The following CCDC38 variants were observed in gnomAD, a reference collection of about 807,000 sequenced individuals.
CCDC38 encodes the protein coiled-coil domain-containing protein 38.
A neutral mutation model predicts 72.8 loss-of-function variants in CCDC38; 69 were observed. The ratio of observed to expected loss-of-function variants is 0.95; its 90% CI spans 0.78 to 1.16. CCDC38 has a LOEUF of 1.16. Ranked by LOEUF, CCDC38 falls within the 50% of genes most tolerant of loss-of-function variation. The pLI is 0.00. For missense variants in CCDC38, 626 were observed against 638.9 expected (o/e 0.98, Z 0.22); for synonymous variants, 201 against 213.2 (o/e 0.94, Z 0.50).
Position 95,867,110 on chromosome 12 carries a change from GT to G in CCDC38, c.1657del (p.Thr553GlnfsTer13). ...AAAATATTCTTCCTCTTGTGATTTT[GT>G]TTTTGTTTCATTGACTAAAGGTAGC... Reference protein sequence around the residue: ...QQLPLVNETKTKSQEEEYFFT With the variant: ...QQLPLVNETKXKSQEEEYFFT On this transcript the variant is annotated frameshift_variant, in exon 16 of 16. Transcript: ENST00000344280. LOFTEE classifies it high-confidence loss of function. The G allele has an allele frequency of 6.2e-7, 1 of 1,603,006 alleles. No homozygotes were observed. Among genetic ancestry groups the G allele is most frequent in the East Asian group, 2.2e-5 (1 of 44,652 alleles).
At chr12:95,890,523 G>A (rs1032545804) in intron 9 of CCDC38, among the ~76,000 whole-genome samples, 5 of 152,224 alleles carry the variant, frequency 3.3e-5, no homozygotes, top group Admixed American at 6.5e-5. Context: ...GCCTGCCAAC[G>A]GCAGAAGGCA....
intron 5 of CCDC38, among the ~76,000 whole-genome samples, chr12:95,900,372 C>G (rs1228278637): frequency 2.0e-5 from 3 of 152,156 alleles, no homozygotes; most frequent in Non-Finnish European, 4.4e-5. Flanking sequence ...TCATGTTAGA[C>G]AAAACTATTA....
intron 2 of CCDC38, among the ~76,000 whole-genome samples, chr12:95,932,555 A>G (rs1592808613): frequency 6.6e-6 from 1 of 152,196 alleles, no homozygotes; most frequent in Non-Finnish European, 1.5e-5. Flanking sequence ...CAGCTAGGTT[A>G]GTATATAAAA....
chr12:95,869,961 T>C (rs1156461636), intron 14 of CCDC38, among the ~76,000 whole-genome samples: 1 of 151,994 alleles, frequency 6.6e-6, no homozygotes, highest in Non-Finnish European at 1.5e-5. Flanking sequence ...GTAGCTGGGA[T>C]TACAGGTGCA....
At chr12:95,930,916 T>A (rs2080330599) in intron 2 of CCDC38, among the ~76,000 whole-genome samples, 1 of 152,202 alleles carries the variant, frequency 6.6e-6, no homozygotes, top group African/African-American at 2.4e-5. Context: ...GATCTCTTCC[T>A]TTTGTTACTA....
At chr12:95,897,541 T>C (rs966993279) in intron 7 of CCDC38, among the ~76,000 whole-genome samples, 125 of 138,138 alleles carry the variant, frequency 9.0e-4, no homozygotes, top group African/African-American at 2.6e-3. Flanking sequence ...ACCTAGGAGG[T>C]GGAGGTTTCA....
rs763451872 is a variant in CCDC38, at chr12:95,918,935, T to TAA, written c.78_79insTT (p.Lys27LeufsTer25). 6.2e-7 allele frequency: 1 copy of TAA among 1,612,600 alleles called. No individual in the cohort carries two copies. The highest frequency in any genetic ancestry group is 2.2e-5 in the East Asian group (1 of 44,876). On this transcript the variant is annotated frameshift_variant, in exon 3 of 16. Transcript: ENST00000344280. LOFTEE classifies it high-confidence loss of function. The stretch of plus-strand genomic sequence containing the variant: ...AGAAAGAGATCTCTGAAAAAGATCT[T>TAA]ATAAGGCCTGTCCTCTTTGGTTGAG...
At chr12:95,913,753 ATTAT>A (rs1270385754) in intron 4 of CCDC38, among the ~76,000 whole-genome samples, 1 of 152,148 alleles carries the variant, frequency 6.6e-6, no homozygotes, top group Non-Finnish European at 1.5e-5. Context: ...GGGATGAGTA[ATTAT>A]TTAATTTCTC....
chr12:95,874,086 TG>T (rs1301775639), intron 13 of CCDC38, among the ~76,000 whole-genome samples: 2 of 152,356 alleles, frequency 1.3e-5, no homozygotes, highest in Admixed American at 6.5e-5. Context: ...TTCCTATTTA[TG>T]TAACAACACA....
intron 13 of CCDC38, among the ~76,000 whole-genome samples, chr12:95,876,867 A>G (rs2079641870): frequency 6.6e-6 from 1 of 152,178 alleles, no homozygotes; most frequent in Non-Finnish European, 1.5e-5. Flanking sequence ...TCACTAACGC[A>G]AGCCTCCTTA....
intron 4 of CCDC38, among the ~76,000 whole-genome samples, chr12:95,912,779 G>A (rs907657123): frequency 1.3e-5 from 2 of 152,108 alleles, no homozygotes; most frequent in African/African-American, 4.8e-5. Context: ...TAAAAGCAGG[G>A]CCAGCAGCAG....
chr12:95,937,390 TG>T (rs1187368189), intron 1 of CCDC38, among the ~76,000 whole-genome samples: 1 of 152,232 alleles, frequency 6.6e-6, no homozygotes, highest in Non-Finnish European at 1.5e-5. Context: ...ACTGAGTTTT[TG>T]CTTTCCCCTT....
At chr12:95,880,268 T>G (rs576939419) in intron 11 of CCDC38, among the ~76,000 whole-genome samples, 1 of 152,214 alleles carries the variant, frequency 6.6e-6, no homozygotes, top group Non-Finnish European at 1.5e-5. Context: ...TTATTCACGA[T>G]AGCCAAGACA....
chr12:95,898,651 T>C lies in CCDC38; in HGVS notation c.450A>G (p.Ala150=). The C allele has an allele frequency of 6.2e-7, 1 of 1,614,242 alleles. No individual in the cohort carries two copies. The highest frequency in any genetic ancestry group is 8.5e-7 in the Non-Finnish European group (1 of 1,180,026). The change falls in exon 6 of 16, where the codon GCA becomes GCG. Residue 150 remains alanine (A), a synonymous_variant. Coordinates refer to ENST00000344280, the MANE Select transcript of CCDC38 (RefSeq NM_182496.3). The part of the protein sequence containing the change: ...IAMRERQLKK[A]EKKLQDDALA... ...GTGCATCATCTTGGAGCTTTTTCTC[T>C]GCTTTTTTTAGTTGCCGTTCCCTCA...
chr12:95,904,067 G>C (rs2079976714), intron 5 of CCDC38, among the ~76,000 whole-genome samples: 1 of 131,972 alleles, frequency 7.6e-6, no homozygotes, highest in South Asian at 2.6e-4. Flanking sequence ...GAGACATAAA[G>C]CTACCATTTA....
intron 13 of CCDC38, among the ~76,000 whole-genome samples, chr12:95,877,307 A>G (rs1156725992): frequency 6.6e-6 from 1 of 152,212 alleles, no homozygotes; most frequent in East Asian, 1.9e-4. Flanking sequence ...ACACAGACAT[A>G]TAGCTTAGAA....
intron 7 of CCDC38, among the ~76,000 whole-genome samples, chr12:95,895,840 G>C (rs1309677440): frequency 6.7e-6 from 1 of 149,348 alleles, no homozygotes; most frequent in African/African-American, 2.5e-5. Context: ...GGCAGATCAT[G>C]AGGTCAAGGG....
At chr12:95,872,121 G>T in intron 14 of CCDC38, 134 bp downstream of exon 14, 1 of 738,134 alleles carries the variant, frequency 1.4e-6, no homozygotes, top group Non-Finnish European at 2.3e-6. Flanking sequence ...TATATGAGGA[G>T]AGCAGGGCTG....
chr12:95,903,557 ACTTCT>A (rs771819231), intron 5 of CCDC38: 7 of 667,168 alleles, frequency 1.0e-5, no homozygotes, highest in African/African-American at 3.6e-5. Flanking sequence ...AAGTTGAGGA[ACTTCT>A]CTTCTGTTCC....
Sources: allele counts gnomAD v4.1 joint callset (sites outside exome capture counted in the v4.1 genomes callset), GRCh38; gene constraint gnomAD v4.1.1; transcripts MANE v1.5; gene names NCBI Gene and HGNC (gene_info 2026-07-23, HGNC 2026-07-21).